TBC1D15: variants seen among roughly 807,000 people sequenced by gnomAD.
The protein encoded by TBC1D15 is GAP for RAB7.
In TBC1D15, 39 loss-of-function variants were observed where a neutral mutation model predicts 95.4. The ratio of observed to expected loss-of-function variants is 0.41; its 90% CI spans 0.32 to 0.53. The LOEUF (loss-of-function observed/expected upper bound fraction) is 0.53, where lower values mean the gene tolerates loss of function less well. TBC1D15 is among the 20% of genes least tolerant of loss of function. The pLI, the probability that TBC1D15 is intolerant of heterozygous loss-of-function variation, is 0.29. For missense variants in TBC1D15, 733 were observed against 794.3 expected, an observed-to-expected ratio of 0.92 and a Z score of 0.93; for synonymous variants, 258 against 261.3, an observed-to-expected ratio of 0.99 and a Z score of 0.12.
chr12:71,884,598 A>C (rs999415157), intron 4 of TBC1D15, among the ~76,000 whole-genome samples: 4 of 152,130 alleles, frequency 2.6e-5, no homozygotes. Context: ...AACATTTAAA[A>C]CATTTATATG....
chr12:71,909,692 G>A (rs1901697741), intron 11 of TBC1D15, among the ~76,000 whole-genome samples: 1 of 152,078 alleles, frequency 6.6e-6, no homozygotes, highest in African/African-American at 2.4e-5. Context: ...TTTGGTGTAA[G>A]CAAGTGTACA....
intron 5 of TBC1D15, among the ~76,000 whole-genome samples, chr12:71,886,185 C>T (rs1315704022): frequency 3.3e-5 from 5 of 151,998 alleles, no homozygotes; most frequent in African/African-American, 1.2e-4. Flanking sequence ...GGAATGATTG[C>T]TAACCTTCCT....
chr12:71,883,947 C>T (rs560244781), intron 4 of TBC1D15, among the ~76,000 whole-genome samples: 7 of 152,062 alleles, frequency 4.6e-5, no homozygotes, highest in Non-Finnish European at 1.0e-4. Context: ...ATAATGTTCA[C>T]AAACCTGGAA....
intron 11 of TBC1D15, 132 bp downstream of exon 11, chr12:71,907,270 G>A (rs1254167503): frequency 5.6e-6 from 3 of 536,908 alleles, no homozygotes; most frequent in East Asian, 3.2e-5. Context: ...CCAGGGGACT[G>A]GAAACTTACA....
In TBC1D15 at chr12:71,909,232, A is replaced by G. The variant is rs192089144; in HGVS notation, c.1300+2094A>G. Among the ~76,000 whole-genome samples, 200 of 152,332 alleles carry G rather than the reference A, an allele frequency of 1.3e-3. 1 individual carries two copies. The highest frequency in any genetic ancestry group is 2.1e-3 in the Admixed American group (32 of 15,300). Reference sequence around the variant, plus strand: ...GATAACTGGCCTTATAGAAGCCAAGATACTTTTTATAAAAGCAATAGACAA... The same window carrying G: ...GATAACTGGCCTTATAGAAGCCAAGGTACTTTTTATAAAAGCAATAGACAA... On this transcript the variant is annotated intron_variant, in intron 11 of 16. Transcript: ENST00000485960.
chr12:71,894,490 C>T, intron 6 of TBC1D15, 196 bp from the exon 7 acceptor site: 1 of 1,258,688 alleles, frequency 7.9e-7, no homozygotes, highest in Non-Finnish European at 1.1e-6. Flanking sequence ...CTATTTTAAC[C>T]AAATGAAATG....
At position 71,894,827 on chromosome 12, in the gene TBC1D15, A is replaced by G; in HGVS notation, c.799A>G (p.Ile267Val). Residue 267 changes from isoleucine (I) to valine (V), a missense_variant, in exon 7 of 17, where the codon ATT becomes GTT. By Grantham distance (29) the Ile-to-Val change is conservative. Coordinates refer to ENST00000485960, the MANE Select transcript of TBC1D15 (RefSeq NM_001146213.3). ...SEMADFLSDA[I>V]PGLKINQQEE... The stretch of plus-strand genomic sequence containing the variant: ...AATGGCAGATTTTCTTAGTGATGCT[A>G]TTCCAGGTCTAAAGATAAATCAACA... The G allele has an allele frequency of 3.1e-6, 5 of 1,613,238 alleles. No homozygotes were observed. The highest frequency in any genetic ancestry group is 4.2e-6 in the Non-Finnish European group (5 of 1,179,344).
At chr12:71,871,925 G>A in intron 1 of TBC1D15, 145 bp from the exon 2 acceptor site, 1 of 397,240 alleles carries the variant, frequency 2.5e-6, no homozygotes, top group Non-Finnish European at 4.5e-6. Flanking sequence ...TTAACTCTGA[G>A]AGGTATTTTT....
intron 1 of TBC1D15, among the ~76,000 whole-genome samples, chr12:71,871,656 C>G (rs1892718605): frequency 6.6e-6 from 1 of 152,208 alleles, no homozygotes; most frequent in Non-Finnish European, 1.5e-5. Flanking sequence ...TTAACAGGTG[C>G]AGTCATAGCA....
chr12:71,885,048 T>C (rs1377700897), intron 5 of TBC1D15, 27 bp downstream of exon 5: 23 of 1,605,450 alleles, frequency 1.4e-5, no homozygotes, highest in Middle Eastern at 3.3e-4. Flanking sequence ...TTTCTACTTA[T>C]TGAAACCAGA....
At position 71,865,628 on chromosome 12, in the gene TBC1D15, A is replaced by C. The variant is rs566188382; in HGVS notation, c.31-6442A>C. On this transcript the variant is annotated intron_variant, in intron 1 of 16. Transcript: ENST00000485960. ...TAGCACAGTGATGACTTTATTCCCC[A>C]GGGAGAGGAGTATCTCAGCAGCTTA... 8.5e-5 allele frequency among the ~76,000 whole-genome samples: 13 copies of C among 152,278 alleles called. 1 individual carries two copies. In the South Asian group the frequency reaches 2.7e-3, roughly 32 times the overall value.
intron 1 of TBC1D15, among the ~76,000 whole-genome samples, chr12:71,846,053 G>A (rs1353115046): frequency 6.6e-6 from 1 of 152,122 alleles, no homozygotes; most frequent in Admixed American, 6.5e-5. Flanking sequence ...CTGTCTAAAA[G>A]TTGAATTTAT....
chr12:71,876,320 CAT>C (rs780099969), intron 3 of TBC1D15, among the ~76,000 whole-genome samples: 8 of 152,030 alleles, frequency 5.3e-5, no homozygotes, highest in Non-Finnish European at 8.8e-5. Context: ...TTCCAATTTA[CAT>C]ATGTGTGTTG....
chr12:71,854,021 T>C (rs1888451378), intron 1 of TBC1D15, among the ~76,000 whole-genome samples: 1 of 152,238 alleles, frequency 6.6e-6, no homozygotes, highest in South Asian at 2.1e-4. Context: ...TTCTCTTTTC[T>C]CTGGTACTTT....
rs761433761 is a variant in TBC1D15, at chr12:71,920,778, T to C, written c.1647T>C (p.Cys549=). 1.2e-6 allele frequency: 2 copies of C among 1,613,160 alleles called. No homozygotes were observed. The highest frequency in any genetic ancestry group is 1.7e-6 in the Non-Finnish European group (2 of 1,179,588). ...GTACAAATTTCCATCTTCTTCTCTG[T>C]TGTGCTATTCTGGAATCAGAAAAGC... ...LPCTNFHLLL[C]CAILESEKQQ... Residue 549 remains cysteine (C), a synonymous_variant, in exon 15 of 17, where the codon TGT becomes TGC. Transcript: ENST00000485960.
Position 71,897,924 on chromosome 12 carries a change from A to G in TBC1D15, c.1166A>G (p.Asp389Gly). 1 of 1,612,258 alleles carries G rather than the reference A, an allele frequency of 6.2e-7. No individual in the cohort carries two copies. The highest frequency in any genetic ancestry group is 8.5e-7 in the Non-Finnish European group (1 of 1,178,774). The change falls in exon 10 of 17, where the codon GAT (aspartate) becomes GGT (glycine). Residue 389 changes from aspartate (D) to glycine (G), a missense_variant. Physicochemically the swap from Asp to Gly is moderately conservative, Grantham distance 94 (BLOSUM62 -1). Transcript: ENST00000485960. ...GAGAAAAGAAATTCGAGGTTAAGAG[A>G]TTATAGAAGTCTTATCGGTAATTTT... Reference protein sequence around the residue: ...EQEKRNSRLRDYRSLIEKDVN... With the variant: ...EQEKRNSRLRGYRSLIEKDVN...
At chr12:71,913,760 T>C (rs1903009096) in intron 11 of TBC1D15, 66 bp from the exon 12 acceptor site, 20 of 1,088,116 alleles carry the variant, frequency 1.8e-5, no homozygotes, top group Non-Finnish European at 2.4e-5. Flanking sequence ...GGTGGTGATA[T>C]GCACAACTTG....
intron 1 of TBC1D15, among the ~76,000 whole-genome samples, chr12:71,844,777 A>G (rs1480042400): frequency 3.3e-5 from 5 of 152,206 alleles, no homozygotes; most frequent in Non-Finnish European, 5.9e-5. Flanking sequence ...ATGGTACCTC[A>G]TTCAGGATTC....
At chr12:71,896,589 T>A (rs1310119641) in intron 8 of TBC1D15, 88 bp from the exon 9 acceptor site, 43 of 1,053,586 alleles carry the variant, frequency 4.1e-5, no homozygotes, top group Non-Finnish European at 5.6e-5. Context: ...CTCTTAAAGA[T>A]TAGTTTTCCT....
Sources: gnomAD v4.1 joint callset for allele counts (sites outside exome capture counted in the v4.1 genomes callset) on GRCh38, gnomAD v4.1.1 for gene constraint, MANE v1.5 for transcripts, NCBI Gene and HGNC (gene_info 2026-07-23, HGNC 2026-07-21) for gene names.